Variants in TRIM14 observed in about 807,000 individuals in gnomAD.
TRIM14 encodes the protein tripartite motif-containing protein 14.
Under a neutral mutation model 44.5 loss-of-function variants are expected in TRIM14, and 28 were observed. The ratio of observed to expected loss-of-function variants is 0.63; its 90% CI spans 0.47 to 0.86. TRIM14 has a LOEUF of 0.86. TRIM14 is among the 40% of genes least tolerant of loss of function. The pLI is 0.00. For synonymous variants in TRIM14, 299 were observed against 269.2 expected (o/e 1.11, Z -1.08); for missense variants, 607 against 611.1 (o/e 0.99, Z 0.07).
chr9:98,096,779 G>A (rs1712928750), intron 3 of TRIM14, among the ~76,000 whole-genome samples: 1 of 152,024 alleles, frequency 6.6e-6, no homozygotes, highest in Non-Finnish European at 1.5e-5. Flanking sequence ...GGACATTGTG[G>A]CCTCCTCCCA....
chr9:98,097,761 T>C (rs1826237916), intron 3 of TRIM14, among the ~76,000 whole-genome samples: 1 of 152,052 alleles, frequency 6.6e-6, no homozygotes, highest in African/African-American at 2.4e-5. Context: ...AAAAAAAAGA[T>C]GACAAAGCCC....
intron 5 of TRIM14, among the ~76,000 whole-genome samples, chr9:98,091,261 C>G (rs1413889648): frequency 6.6e-6 from 1 of 152,136 alleles, no homozygotes; most frequent in Non-Finnish European, 1.5e-5. Context: ...CACATCCATT[C>G]AATGCAATGC....
chr9:98,044,360 C>T, the TRIM14 span, among the ~76,000 whole-genome samples: 1 of 147,408 alleles, frequency 6.8e-6, no homozygotes, highest in Admixed American at 6.8e-5. Context: ...GGGCAAAATG[C>T]CCTTTCTCTT....
At chr9:98,093,531 C>G (rs1053540114) in intron 4 of TRIM14, among the ~76,000 whole-genome samples, 16 of 152,200 alleles carry the variant, frequency 1.1e-4, no homozygotes, top group Admixed American at 9.2e-4. Flanking sequence ...AAGTGGTAGA[C>G]CTCGGATAGG....
Position 98,084,781 on chromosome 9 carries a change from T to G in TRIM14, c.*2689A>C, listed in dbSNP as rs1478404675. ...GCCTCCTGGGTTCAAGCAACTCTCT[T>G]GCCTCAGCCTCCCTAGTAGCTGGGA... On this transcript the variant is annotated 3_prime_UTR_variant, in exon 6 of 6. Transcript: ENST00000341469. 6.6e-6 allele frequency: 1 copy of G among 152,268 alleles called. No individual in the cohort carries two copies. Among genetic ancestry groups the G allele is most frequent in the Admixed American group, 6.5e-5 (1 of 15,284 alleles). 9.4% of individuals were successfully genotyped at this position (152,268 alleles called of 1,614,324 possible). A position where few individuals can be genotyped will look rare whatever the true frequency, so the allele number is the denominator to read the frequency against.
the TRIM14 span, among the ~76,000 whole-genome samples, chr9:98,043,271 G>A: frequency 2.0e-5 from 3 of 151,778 alleles, no homozygotes; most frequent in Admixed American, 1.3e-4. Flanking sequence ...TCCCCCTCCT[G>A]GGTTCAAGCG....
chr9:98,078,295 G>A, intron 6 of TRIM14: 1 of 1,614,048 alleles, frequency 6.2e-7, no homozygotes. Flanking sequence ...TTCTTGCAGT[G>A]TACCAGCGCA....
the TRIM14 span, among the ~76,000 whole-genome samples, chr9:98,048,665 T>C: frequency 6.6e-6 from 1 of 152,216 alleles, no homozygotes; most frequent in East Asian, 1.9e-4. Flanking sequence ...AGGTCAGATA[T>C]TAGGTTTGCT....
Position 98,107,457 on chromosome 9 carries a change from ACTCAG to A in TRIM14, c.303+2427_303+2431del, listed in dbSNP as rs1214909573. ...ACTATCGGATTAGTGGAATATTACT[ACTCAG>A]CAATACATGGGAATGAACTAGTGGT... On this transcript the variant is annotated intron_variant, in intron 2 of 5. Transcript: ENST00000341469. 2.6e-5 allele frequency among the ~76,000 whole-genome samples: 4 copies of A among 152,320 alleles called. No individual in the cohort carries two copies. The East Asian group carries it at 7.7e-4, about 29-fold the overall frequency.
At chr9:98,101,340 T>C (rs995493287) in intron 2 of TRIM14, among the ~76,000 whole-genome samples, 2 of 151,990 alleles carry the variant, frequency 1.3e-5, no homozygotes, top group African/African-American at 2.4e-5. Flanking sequence ...TCTGTAAGGG[T>C]ATGTGAAGTA....
downstream of TRIM14, among the ~76,000 whole-genome samples, chr9:98,064,440 G>C (rs182318878): frequency 2.4e-3 from 372 of 152,182 alleles, 3 homozygotes; most frequent in African/African-American, 8.5e-3. Flanking sequence ...ATTTTTAGTA[G>C]AGATGGGGTT....
At chr9:98,082,762 G>A, downstream of TRIM14, 2 of 1,340,660 alleles carry the variant, frequency 1.5e-6, no homozygotes, top group East Asian at 5.0e-5. Flanking sequence ...GGGGAAGACT[G>A]ATCAGGGACC....
chr9:98,081,009 T>C (rs1829830885), downstream of TRIM14: 1 of 1,614,054 alleles, frequency 6.2e-7, no homozygotes, highest in African/African-American at 1.3e-5. Context: ...GTGCGGTCAG[T>C]GCGTCTTGTG....
chr9:98,119,170 C>G lies in TRIM14; in HGVS notation c.19G>C (p.Gly7Arg), dbSNP rs759576088. The G allele has an allele frequency of 7.0e-6, 11 of 1,576,644 alleles. No individual in the cohort carries two copies. The South Asian group carries it at 7.9e-5, about 11-fold the overall frequency. ...TCCGACCTCCCAGGGGTCCGGCTCCCGGTCGCCGCGCCCGCCATTCATCTC... is the reference window on the plus strand; with the variant it reads ...TCCGACCTCCCAGGGGTCCGGCTCCGGGTCGCCGCGCCCGCCATTCATCTC... MAGAAT[G>R]SRTPGRSELV... The change falls in exon 1 of 6, where the codon GGG (glycine) becomes CGG (arginine). Residue 7 changes from glycine (G) to arginine (R), a missense_variant. Coordinates refer to ENST00000341469, the MANE Select transcript of TRIM14 (RefSeq NM_014788.4).
intron 1 of TRIM14, among the ~76,000 whole-genome samples, chr9:98,115,309 G>A (rs1014639463): frequency 1.2e-4 from 18 of 152,168 alleles, no homozygotes; most frequent in African/African-American, 4.1e-4. Context: ...GAGTGCAGTG[G>A]CACAATCTTG....
chr9:98,098,870 C>T (rs780013750), intron 3 of TRIM14, among the ~76,000 whole-genome samples: 10 of 152,062 alleles, frequency 6.6e-5, no homozygotes, highest in Non-Finnish European at 1.3e-4. Flanking sequence ...TCACTGCAAT[C>T]TTTGCCTCCC....
chr9:98,100,032 C>A lies in TRIM14; in HGVS notation c.436G>T (p.Glu146Ter). 6.2e-7 allele frequency: 1 copy of A among 1,614,148 alleles called. No individual in the cohort carries two copies. The highest frequency in any genetic ancestry group is 8.5e-7 in the Non-Finnish European group (1 of 1,180,038). Residue 146 changes from glutamate (E) to a stop codon, truncating the protein, a stop_gained, in exon 3 of 6, where the codon GAA becomes TAA. Transcript: ENST00000341469. LOFTEE classifies it high-confidence loss of function. The stretch of plus-strand genomic sequence containing the variant: ...TGCTCTCTGCAAGAGTCAGCTTGTT[C>A]CCTGTACACCTGGAGGGTAAGCTGC... Reference protein sequence around the residue: ...NTQLTLQVYREQADSCREQLD... With the variant: ...NTQLTLQVYR
At chr9:98,108,514 T>A (rs1469793814) in intron 2 of TRIM14, among the ~76,000 whole-genome samples, 1 of 152,080 alleles carries the variant, frequency 6.6e-6, no homozygotes, top group Non-Finnish European at 1.5e-5. Context: ...GGGTCCTAAT[T>A]CTTGGGGGCC....
chr9:98,041,786 CAT>C, the TRIM14 span, among the ~76,000 whole-genome samples: 1 of 151,236 alleles, frequency 6.6e-6, no homozygotes, highest in African/African-American at 2.4e-5. Context: ...AGGTTCACGC[CAT>C]TCTCCTGCCT....
Sources: allele counts gnomAD v4.1 joint callset (sites outside exome capture counted in the v4.1 genomes callset), GRCh38; gene constraint gnomAD v4.1.1; transcripts MANE v1.5; gene names NCBI Gene and HGNC (gene_info 2026-07-23, HGNC 2026-07-21).